LUZP2: variants seen among roughly 807,000 people sequenced by gnomAD.
LUZP2 encodes the protein leucine zipper protein 2.
A neutral mutation model predicts 51.6 loss-of-function variants in LUZP2; 52 were observed. That is an observed-to-expected ratio of 1.01 (90% CI 0.81 to 1.27). The LOEUF is 1.27. LUZP2 is among the 50% of genes most tolerant of loss of function. The pLI is 0.00. For synonymous variants in LUZP2, 154 were observed against 137.3 expected (o/e 1.12, Z -0.85); for missense variants, 436 against 395.4 (o/e 1.10, Z -0.87).
chr11:24,965,591 TAAC>T (rs1431556819), intron 7 of LUZP2, among the ~76,000 whole-genome samples: 1 of 151,832 alleles, frequency 6.6e-6, no homozygotes, highest in African/African-American at 2.4e-5. Context: ...AGTTATAGGT[TAAC>T]AAAATTTAGA....
chr11:25,009,309 C>T (rs1856919276), intron 9 of LUZP2, among the ~76,000 whole-genome samples: 1 of 152,066 alleles, frequency 6.6e-6, no homozygotes, highest in Non-Finnish European at 1.5e-5. Context: ...AAAATGTTGT[C>T]ATTTTTGAAA....
intron 10 of LUZP2, among the ~76,000 whole-genome samples, chr11:25,070,795 GT>G (rs1859135645): frequency 6.6e-6 from 1 of 151,114 alleles, no homozygotes; most frequent in Non-Finnish European, 1.5e-5. Context: ...GTGTGTGTGT[GT>G]GTGTGTGTGT....
At chr11:24,926,713 T>C (rs1339820095) in intron 7 of LUZP2, among the ~76,000 whole-genome samples, 1 of 150,724 alleles carries the variant, frequency 6.6e-6, no homozygotes, top group Non-Finnish European at 1.5e-5. Context: ...TGTGCAAGTA[T>C]CTTTTTTGCA....
At chr11:24,860,976 G>A (rs1851723838) in intron 5 of LUZP2, among the ~76,000 whole-genome samples, 1 of 152,156 alleles carries the variant, frequency 6.6e-6, no homozygotes, top group Non-Finnish European at 1.5e-5. Context: ...ATTAACAGAA[G>A]TAGGCTTCAG....
chr11:24,502,032 G>A (rs1333098580), intron 1 of LUZP2, among the ~76,000 whole-genome samples: 1 of 152,068 alleles, frequency 6.6e-6, no homozygotes, highest in East Asian at 1.9e-4. Flanking sequence ...TTCTGATGTA[G>A]AACACAGACC....
chr11:24,529,780 T>C (rs1850938384), intron 1 of LUZP2, among the ~76,000 whole-genome samples: 1 of 151,050 alleles, frequency 6.6e-6, no homozygotes, highest in African/African-American at 2.4e-5. Context: ...TCATTAAATA[T>C]AGATATCCTG....
chr11:24,566,138 G>A (rs1411677561), intron 1 of LUZP2, among the ~76,000 whole-genome samples: 1 of 151,598 alleles, frequency 6.6e-6, no homozygotes, highest in African/African-American at 2.4e-5. Context: ...TGTTTTTCAA[G>A]GGGCCTAAAT....
intron 10 of LUZP2, among the ~76,000 whole-genome samples, chr11:25,073,644 A>G (rs188105964): frequency 6.6e-6 from 1 of 152,276 alleles, no homozygotes; most frequent in South Asian, 2.1e-4. Context: ...TTCGTAAGAA[A>G]CGTTTTTGCA....
chr11:24,499,993 T>C (rs1849944008), intron 1 of LUZP2, among the ~76,000 whole-genome samples: 1 of 152,312 alleles, frequency 6.6e-6, no homozygotes. Context: ...AATTTTTGAA[T>C]AGAAAACAAT....
intron 5 of LUZP2, among the ~76,000 whole-genome samples, chr11:24,861,118 T>C (rs893338118): frequency 1.3e-5 from 2 of 152,120 alleles, no homozygotes; most frequent in African/African-American, 4.8e-5. Flanking sequence ...AACGACCTGA[T>C]GAATCTGAAA....
chr11:24,631,600 G>A (rs980692361), intron 1 of LUZP2, among the ~76,000 whole-genome samples: 2 of 151,818 alleles, frequency 1.3e-5, no homozygotes, highest in Non-Finnish European at 2.9e-5. Flanking sequence ...AGTTCAGTTT[G>A]CTGGTATTTT....
chr11:24,597,681 C>A (rs181352792), intron 1 of LUZP2, among the ~76,000 whole-genome samples: 1 of 152,068 alleles, frequency 6.6e-6, no homozygotes, highest in Non-Finnish European at 1.5e-5. Flanking sequence ...AATAAAAGTG[C>A]GTTTTTCTTG....
intron 2 of LUZP2, among the ~76,000 whole-genome samples, chr11:24,729,949 T>C (rs151139839): frequency 7.2e-5 from 11 of 151,946 alleles, no homozygotes; most frequent in South Asian, 2.1e-4. Flanking sequence ...AGGAAAGATA[T>C]GTTATTTTTG....
At chr11:24,556,959 C>A (rs925550006) in intron 1 of LUZP2, among the ~76,000 whole-genome samples, 5 of 152,128 alleles carry the variant, frequency 3.3e-5, no homozygotes, top group African/African-American at 1.2e-4. Flanking sequence ...TGTCACCCTG[C>A]AATGTTCAGT....
chr11:24,819,219 A>G (rs1357030021), intron 5 of LUZP2, among the ~76,000 whole-genome samples: 7 of 152,030 alleles, frequency 4.6e-5, no homozygotes, highest in Admixed American at 4.6e-4. Context: ...AGCTGTGGAG[A>G]GTGAGGTATA....
intron 5 of LUZP2, among the ~76,000 whole-genome samples, chr11:24,884,303 T>C (rs1473149856): frequency 6.6e-6 from 1 of 151,990 alleles, no homozygotes; most frequent in Non-Finnish European, 1.5e-5. Flanking sequence ...AAGCTACAAG[T>C]CTGTCATTTC....
chr11:24,873,990 A>G (rs1852167500), intron 5 of LUZP2, among the ~76,000 whole-genome samples: 1 of 152,102 alleles, frequency 6.6e-6, no homozygotes, highest in Non-Finnish European at 1.5e-5. Flanking sequence ...GAAAAAAAAG[A>G]TCAACCATCC....
At chr11:24,561,228 T>C (rs930420573) in intron 1 of LUZP2, among the ~76,000 whole-genome samples, 18 of 152,210 alleles carry the variant, frequency 1.2e-4, no homozygotes, top group Non-Finnish European at 8.8e-5. Flanking sequence ...TAGGTCATTT[T>C]AATATGTCAT....
At chr11:25,044,991 T>C (rs1858250310) in intron 9 of LUZP2, among the ~76,000 whole-genome samples, 1 of 130,708 alleles carries the variant, frequency 7.7e-6, no homozygotes, top group African/African-American at 2.9e-5. Flanking sequence ...TTCTCACTCA[T>C]AGGTGGGAAT....
Sources: gnomAD v4.1 joint callset for allele counts (sites outside exome capture counted in the v4.1 genomes callset) on GRCh38, gnomAD v4.1.1 for gene constraint, MANE v1.5 for transcripts, NCBI Gene and HGNC (gene_info 2026-07-23, HGNC 2026-07-21) for gene names.